Variants in PTDSS2 observed in about 807,000 individuals in gnomAD.
PTDSS2 encodes the protein phosphatidylserine synthase 2, also known as PSS-2.
A neutral mutation model predicts 64.7 loss-of-function variants in PTDSS2; 41 were observed. The ratio of observed to expected loss-of-function variants is 0.63; its 90% CI spans 0.49 to 0.82. PTDSS2 has a LOEUF of 0.82. Among genes scored for constraint, PTDSS2 ranks in the 40% least tolerant of loss-of-function variants. The pLI is 0.00. For synonymous variants in PTDSS2, 297 were observed against 277.8 expected (o/e 1.07, Z -0.69); for missense variants, 485 against 650.0 (o/e 0.75, Z 2.76).
intron 1 of PTDSS2, chr11:459,365 T>G (rs1180192497): frequency 6.6e-6 from 1 of 151,234 alleles, no homozygotes; most frequent in Non-Finnish European, 1.5e-5. Context: ...GGACCTGGGT[T>G]AGACGTGAGG....
chr11:484,034 C>T (rs1448264143), intron 4 of PTDSS2, among the ~76,000 whole-genome samples: 2 of 152,160 alleles, frequency 1.3e-5, no homozygotes, highest in Non-Finnish European at 2.9e-5. Flanking sequence ...GGCGTCTGCA[C>T]GTTGCCAGGA....
rs777748660 is a variant in PTDSS2, at chr11:460,654, G to A, written c.284+366G>A. ...TCTCCGGGGGTGAGGTTCCTGCGGT[G>A]GCCGCGTGCTGGTTCCGTTAGCCAG... On this transcript the variant is annotated intron_variant, in intron 2 of 11. Coordinates refer to ENST00000308020, the MANE Select transcript of PTDSS2 (RefSeq NM_030783.3). The surrounding 1 kb of genome is among the most constrained non-coding windows in gnomAD (Gnocchi z 5.8). 14 of 206,658 alleles carry A rather than the reference G, an allele frequency of 6.8e-5. No individual in the cohort carries two copies. Among genetic ancestry groups the A allele is most frequent in the Non-Finnish European group, 1.3e-4 (13 of 100,814 alleles). The allele number at this position is 206,658 out of a possible 1,614,324, so 12.8% of individuals were successfully genotyped here.
chr11:476,076 A>G lies in PTDSS2; in HGVS notation c.367+2099A>G, dbSNP rs893218167. On this transcript the variant is annotated intron_variant, in intron 3 of 11. Transcript: ENST00000308020. The surrounding 1 kb of genome is among the most constrained non-coding windows in gnomAD (Gnocchi z 4.9). ...CCACCCACAGAGGCCCTGAGCAGGG[A>G]GCCGTCCGGTGACCCAAGCAGGCTG... 3.3e-5 allele frequency among the ~76,000 whole-genome samples: 5 copies of G among 152,280 alleles called. No individual in the cohort carries two copies. The highest frequency in any genetic ancestry group is 3.3e-4 in the Admixed American group (5 of 15,292).
chr11:451,699 G>C (rs1490643893), intron 1 of PTDSS2, among the ~76,000 whole-genome samples: 1 of 152,218 alleles, frequency 6.6e-6, no homozygotes, highest in Non-Finnish European at 1.5e-5. Context: ...TAAGGGACTT[G>C]TCAGGGGAAG....
chr11:467,339 A>G (rs7935013), intron 2 of PTDSS2, among the ~76,000 whole-genome samples: 54,241 of 152,110 alleles, frequency 0.36, 10,120 homozygotes, highest in African/African-American at 0.47. Context: ...CCGACGGAGC[A>G]GCTAAAACCT....
Position 490,821 on chromosome 11 carries a change from C to CGCGTGTGT in PTDSS2, c.*239_*240insGCGTGTGT. ...GTACGCGTGTGTACGCGCGTGTGTACACATGCGTGGCCGCCTGTGGTGTGC... is the reference window on the plus strand; with the variant it reads ...GTACGCGTGTGTACGCGCGTGTGTACGCGTGTGTACATGCGTGGCCGCCTGTGGTGTGC... On this transcript the variant is annotated 3_prime_UTR_variant, in exon 12 of 12. Coordinates refer to ENST00000308020, the MANE Select transcript of PTDSS2 (RefSeq NM_030783.3). 2.2e-6 allele frequency: 1 copy of CGCGTGTGT among 459,122 alleles called. No homozygotes were observed. The highest frequency in any genetic ancestry group is 2.3e-5 in the African/African-American group (1 of 44,256). The allele number at this position is 459,122 out of a possible 1,614,324, so 28.4% of individuals were successfully genotyped here.
At chr11:474,872 T>C (rs888782318) in intron 3 of PTDSS2, among the ~76,000 whole-genome samples, 1 of 152,164 alleles carries the variant, frequency 6.6e-6, no homozygotes, top group Admixed American at 6.5e-5. Context: ...TACGGACATA[T>C]TCACGTGTTT....
In PTDSS2 at chr11:489,611, G is replaced by T. The variant is rs375597148; in HGVS notation, c.993G>T (p.Thr331=). Residue 331 remains threonine (T), a synonymous_variant, in exon 10 of 12, where the codon ACG becomes ACT. Transcript: ENST00000308020. ...ILVFLLAELN[T]FYLKFVLWMP... ...AGTTCCTGTTGGCAGAACTGAACAC[G>T]TTCTACCTGAAGTTTGTGCTGTGGA... 2 of 1,596,760 alleles carry T rather than the reference G, an allele frequency of 1.3e-6. No individual in the cohort carries two copies. Among genetic ancestry groups the T allele is most frequent in the South Asian group, 1.1e-5 (1 of 89,072 alleles).
Position 460,231 on chromosome 11 carries a change from T to C in PTDSS2, c.227T>C (p.Leu76Pro), listed in dbSNP as rs1236051794. The C allele has an allele frequency of 8.7e-6, 14 of 1,614,064 alleles. No individual in the cohort carries two copies. The highest frequency in any genetic ancestry group is 1.0e-5 in the Non-Finnish European group (12 of 1,180,018). Residue 76 changes from leucine to proline, a missense_variant, in exon 2 of 12, where the codon CTT (leucine) becomes CCT (proline). Physicochemically the swap from Leu to Pro is moderately conservative, Grantham distance 98. Transcript: ENST00000308020. The surrounding 1 kb of genome is among the most constrained non-coding windows in gnomAD (Gnocchi z 5.8). ...LTVLFILTCT[L>P]GYVTLLEETP... ...GTGCTCTTCATCCTCACCTGTACGC[T>C]TGGCTATGTGACGCTGCTGGAGGAA...
At chr11:464,407 G>A (rs966831956) in intron 2 of PTDSS2, among the ~76,000 whole-genome samples, 1 of 152,220 alleles carries the variant, frequency 6.6e-6, no homozygotes, top group Admixed American at 6.5e-5. Context: ...CTGCATGGGG[G>A]TGCGAAAGTG....
rs570511830 is a variant in PTDSS2 at position 478,545 on chromosome 11, G to A, written c.368-540G>A. Among the ~76,000 whole-genome samples, 94 of 152,038 alleles carry A rather than the reference G, an allele frequency of 6.2e-4. No individual in the cohort carries two copies. In the South Asian group the frequency reaches 0.012, roughly 20 times the overall value. On this transcript the variant is annotated intron_variant, in intron 3 of 11. Transcript: ENST00000308020. ...GTGGACCATCTGAGGTCAGGAGTTC[G>A]AGACCAGCCTGGCCAACATGGTGAA...
rs189696599 is a variant in PTDSS2, at chr11:490,254, G to A, written c.1302-166G>A. Among the ~76,000 whole-genome samples the A allele has an allele frequency of 2.4e-3, 367 of 152,294 alleles. 4 individuals carry two copies. The highest frequency in any genetic ancestry group is 8.4e-3 in the African/African-American group (349 of 41,572). On this transcript the variant is annotated intron_variant, in intron 11 of 11. Coordinates refer to ENST00000308020, the MANE Select transcript of PTDSS2 (RefSeq NM_030783.3). ...CCTTCGCTCTGCACTGACAGATCCAGGCTCCTCAGGGCTCCAGTCTGCCAC... is the reference window on the plus strand; with the variant it reads ...CCTTCGCTCTGCACTGACAGATCCAAGCTCCTCAGGGCTCCAGTCTGCCAC...
At chr11:469,760 A>C (rs1847333575) in intron 2 of PTDSS2, among the ~76,000 whole-genome samples, 1 of 152,012 alleles carries the variant, frequency 6.6e-6, no homozygotes. Flanking sequence ...CCTCCAGTCC[A>C]CGGGGCCAGG....
chr11:452,237 G>A (rs1404738178), intron 1 of PTDSS2, among the ~76,000 whole-genome samples: 3 of 152,222 alleles, frequency 2.0e-5, no homozygotes, highest in African/African-American at 7.2e-5. Flanking sequence ...CACATTGTGG[G>A]GACCCCTACT....
chr11:452,049 A>G (rs1846352890), intron 1 of PTDSS2, among the ~76,000 whole-genome samples: 1 of 152,082 alleles, frequency 6.6e-6, no homozygotes, highest in Non-Finnish European at 1.5e-5. Flanking sequence ...GCTGGGGACC[A>G]CCGGAGTCTC....
rs1847364408 is a variant in PTDSS2, at chr11:470,299, C to T, written c.285-3596C>T. Among the ~76,000 whole-genome samples, 1 of 152,232 alleles carries T rather than the reference C, an allele frequency of 6.6e-6. No homozygotes were observed. Among genetic ancestry groups the T allele is most frequent in the African/African-American group, 2.4e-5 (1 of 41,460 alleles). On this transcript the variant is annotated intron_variant, in intron 2 of 11. Transcript: ENST00000308020. The surrounding 1 kb of genome is among the most constrained non-coding windows in gnomAD (Gnocchi z 5.3). ...GCCCCATCCTCCCAACCCCGACGAC[C>T]CCAGCCCGGCCATGCAGAGGCATAG...
chr11:466,331 G>T (rs924680679), intron 2 of PTDSS2, among the ~76,000 whole-genome samples: 1 of 152,090 alleles, frequency 6.6e-6, no homozygotes, highest in Non-Finnish European at 1.5e-5. Flanking sequence ...GAAGGCAAAA[G>T]GGGAAGCAGG....
intron 2 of PTDSS2, among the ~76,000 whole-genome samples, chr11:468,743 T>C (rs1847253939): frequency 6.6e-6 from 1 of 151,690 alleles, no homozygotes; most frequent in Non-Finnish European, 1.5e-5. Context: ...GAGGGGAGTC[T>C]CTGGGTAATC....
In PTDSS2 at chr11:484,665, G is replaced by A. The variant is rs375790608; in HGVS notation, c.436-2274G>A. Among the ~76,000 whole-genome samples the A allele has an allele frequency of 4.1e-4, 62 of 151,374 alleles. 1 individual carries two copies. Among genetic ancestry groups the A allele is most frequent in the African/African-American group, 1.4e-3 (57 of 41,240 alleles). On this transcript the variant is annotated intron_variant, in intron 4 of 11. Transcript: ENST00000308020. The stretch of plus-strand genomic sequence containing the variant: ...ATGTGTGCTCACTGTGTGCACAGGC[G>A]TCTGTAAACTGCACGGGCGTGTGTG...
Sources: allele counts gnomAD v4.1 joint callset (sites outside exome capture counted in the v4.1 genomes callset), GRCh38; gene constraint gnomAD v4.1.1; non-coding constraint Gnocchi (gnomAD v3.1); transcripts MANE v1.5; gene names NCBI Gene and HGNC (gene_info 2026-07-23, HGNC 2026-07-21).